The following MOG variants were observed in gnomAD, a reference collection of about 807,000 sequenced individuals.
The protein encoded by MOG is myelin-oligodendrocyte glycoprotein.
MOG carries 20 observed loss-of-function variants against 35.9 expected under a neutral mutation model. The observed-to-expected ratio is 0.56, with a 90% CI of 0.39 to 0.81. MOG has a LOEUF of 0.81. Ranked by LOEUF, MOG falls within the 30% of genes least tolerant of loss-of-function variation. The probability of loss-of-function intolerance (pLI) is 0.00; values close to 1 mark genes in which losing one functional copy is unlikely to be tolerated. For missense variants in MOG, 251 were observed against 301.0 expected (o/e 0.83, Z 1.23); for synonymous variants, 92 against 114.3 (o/e 0.80, Z 1.25).
chr6:29,671,246 G>A lies in MOG; in HGVS notation c.*61G>A. The A allele has an allele frequency of 6.2e-7, 1 of 1,612,298 alleles. No individual in the cohort carries two copies. ...TGGTTGCCCAGGGATTTGTCCTTGGGGACATCTCATCCATCAAGTTGCACA... is the reference window on the plus strand; with the variant it reads ...TGGTTGCCCAGGGATTTGTCCTTGGAGACATCTCATCCATCAAGTTGCACA... On this transcript the variant is annotated 3_prime_UTR_variant, in exon 8 of 8. Transcript: ENST00000376917.
Position 29,667,603 on chromosome 6 carries a change from G to A in MOG, c.551-40G>A, listed in dbSNP as rs778170484. ...GTGGGAGGGTCCCCACCGAGAGCCAGAACATGCAGGAACTAAAATGTTGCC... is the reference window on the plus strand; with the variant it reads ...GTGGGAGGGTCCCCACCGAGAGCCAAAACATGCAGGAACTAAAATGTTGCC... On this transcript the variant is annotated intron_variant, in intron 3 of 7. Coordinates refer to ENST00000376917, the MANE Select transcript of MOG (RefSeq NM_206809.4). The A allele has an allele frequency of 6.8e-6, 11 of 1,613,632 alleles. No individual in the cohort carries two copies. The Admixed American group carries it at 1.8e-4, about 27-fold the overall frequency.
chr6:29,662,139 A>T lies in MOG; in HGVS notation c.436+2473A>T. 1 of 984,634 alleles carries T rather than the reference A, an allele frequency of 1.0e-6. No individual in the cohort carries two copies. Among genetic ancestry groups the T allele is most frequent in the Non-Finnish European group, 1.2e-6 (1 of 829,418 alleles). The allele number at this position is 984,634 out of a possible 1,614,324, so 61.0% of individuals were successfully genotyped here. A position where few individuals can be genotyped will look rare whatever the true frequency, so the allele number is the denominator to read the frequency against. On this transcript the variant is annotated intron_variant, in intron 2 of 7. Transcript: ENST00000376917. This position sits in a 1 kb window ranked among gnomAD's most constrained non-coding sequence, Gnocchi z 4.2. ...TTATTTTTTTCTTGTCATTTTTGTG[A>T]TTTTATTACTAGTTGTCTCTAATCC...
chr6:29,668,234 C>T (rs1408666346), intron 5 of MOG, among the ~76,000 whole-genome samples: 7 of 152,170 alleles, frequency 4.6e-5, no homozygotes, highest in Non-Finnish European at 4.4e-5. Context: ...ATCGTTTACA[C>T]GTAAACCTGA....
chr6:29,666,207 G>A lies in MOG; in HGVS notation c.492G>A (p.Val164=). 1.2e-6 allele frequency: 2 copies of A among 1,612,908 alleles called. No homozygotes were observed. The highest frequency in any genetic ancestry group is 1.7e-6 in the Non-Finnish European group (2 of 1,179,932). ...TGGTTCTCCTCGCGGTGCTGCCTGT[G>A]CTCCTCCTGCAGATCACTGTTGGCC... ...GVLVLLAVLP[V]LLLQITVGLI... is the part of the protein sequence containing the mutation. The change falls in exon 3 of 8, where the codon GTG becomes GTA. Residue 164 remains valine (V), a synonymous_variant. Transcript: ENST00000376917.
Position 29,671,194 on chromosome 6 carries a change from A to T in MOG, c.*9A>T. On this transcript the variant is annotated 3_prime_UTR_variant, in exon 8 of 8. Transcript: ENST00000376917. Reference sequence around the variant, plus strand: ...TAGGAAATCCCTTCTGAGTGATGTCACATCTTGGCAGGGGTGGAGGAGAGC... The same window carrying T: ...TAGGAAATCCCTTCTGAGTGATGTCTCATCTTGGCAGGGGTGGAGGAGAGC... 6.2e-7 allele frequency: 1 copy of T among 1,612,902 alleles called. No individual in the cohort carries two copies. Among genetic ancestry groups the T allele is most frequent in the Non-Finnish European group, 8.5e-7 (1 of 1,179,994 alleles).
In MOG at chr6:29,661,609, T is replaced by C. The variant is rs530002245; in HGVS notation, c.436+1943T>C. The C allele has an allele frequency of 8.6e-6, 8 of 929,182 alleles. No individual in the cohort carries two copies. In the African/African-American group the frequency reaches 1.1e-4, roughly 12 times the overall value. 57.6% of individuals were successfully genotyped at this position (929,182 alleles called of 1,614,324 possible). A position where few individuals can be genotyped will look rare whatever the true frequency, so the allele number is the denominator to read the frequency against. ...GCCGAGGCGGGTGGATCACCTGAGG[T>C]CGGGAGTTCGAGACTAGCCTGACCA... On this transcript the variant is annotated intron_variant, in intron 2 of 7. Coordinates refer to ENST00000376917, the MANE Select transcript of MOG (RefSeq NM_206809.4).
At chr6:29,668,727 G>C (rs938254876) in intron 5 of MOG, among the ~76,000 whole-genome samples, 6 of 152,164 alleles carry the variant, frequency 3.9e-5, no homozygotes, top group African/African-American at 1.4e-4. Flanking sequence ...CTTTGTTTTG[G>C]AGGACTTGAC....
At chr6:29,657,586 C>T (rs1297664365) in intron 1 of MOG, among the ~76,000 whole-genome samples, 1 of 151,524 alleles carries the variant, frequency 6.6e-6, no homozygotes, top group Non-Finnish European at 1.5e-5. Flanking sequence ...CTGGTTCAAG[C>T]GATTCTCCTG....
rs1334167945 is a variant in MOG at position 29,662,118 on chromosome 6, T to G, written c.436+2452T>G. 2 of 985,054 alleles carry G rather than the reference T, an allele frequency of 2.0e-6. No individual in the cohort carries two copies. Among genetic ancestry groups the G allele is most frequent in the Non-Finnish European group, 2.4e-6 (2 of 829,688 alleles). The allele number at this position is 985,054 out of a possible 1,614,324, so 61.0% of individuals were successfully genotyped here. On this transcript the variant is annotated intron_variant, in intron 2 of 7. Coordinates refer to ENST00000376917, the MANE Select transcript of MOG (RefSeq NM_206809.4). This position sits in a 1 kb window ranked among gnomAD's most constrained non-coding sequence, Gnocchi z 4.2. ...TTTCTAATTTCTCTTGTTTACTTAT[T>G]TTTTTCTTGTCATTTTTGTGATTTT...
rs1276027065 is a variant in MOG at position 29,659,667 on chromosome 6, G to A, written c.436+1G>A. ...GCAGCAATGGAATTGAAAGTAGAAG[G>A]TGAGTAGTGCCATATAATATTAGGT... On this transcript the variant is annotated splice_donor_variant, in intron 2 of 7. Transcript: ENST00000376917. LOFTEE classifies it high-confidence loss of function. The A allele has an allele frequency of 6.2e-7, 1 of 1,611,100 alleles. No individual in the cohort carries two copies. Among genetic ancestry groups the A allele is most frequent in the Non-Finnish European group, 8.5e-7 (1 of 1,178,322 alleles).
intron 1 of MOG, among the ~76,000 whole-genome samples, chr6:29,658,385 G>A (rs555783431): frequency 1.3e-5 from 2 of 152,020 alleles, no homozygotes; most frequent in South Asian, 4.2e-4. Flanking sequence ...AAAAAACAAG[G>A]AACTTTTTCG....
At position 29,659,513 on chromosome 6, in the gene MOG, C is replaced by A; in HGVS notation, c.283C>A (p.Arg95=). The change falls in exon 2 of 8, where the codon CGG becomes AGG. Residue 95 remains arginine (R), a synonymous_variant. Coordinates refer to ENST00000376917, the MANE Select transcript of MOG (RefSeq NM_206809.4). Reference sequence around the variant, plus strand: ...AGATGGAGACCAGGCACCTGAATATCGGGGCCGGACAGAGCTGCTGAAAGA... The same window carrying A: ...AGATGGAGACCAGGCACCTGAATATAGGGGCCGGACAGAGCTGCTGAAAGA... ...DQDGDQAPEY[R]GRTELLKDAI... 6.2e-7 allele frequency: 1 copy of A among 1,612,974 alleles called. No homozygotes were observed.
chr6:29,670,364 A>G lies in MOG; in HGVS notation c.676A>G (p.Ile226Val). ...PVLGPLVALI[I>V]CYNWLHRRLA... Reference sequence around the variant, plus strand: ...TCTTGGACCCTTGGTTGCCTTGATCATCTGCTACAACTGGCTACATCGAAG... The same window carrying G: ...TCTTGGACCCTTGGTTGCCTTGATCGTCTGCTACAACTGGCTACATCGAAG... Residue 226 changes from isoleucine (I) to valine (V), a missense_variant, in exon 6 of 8, where the codon ATC (isoleucine) becomes GTC (valine). By Grantham distance (29) the Ile-to-Val change is conservative. Transcript: ENST00000376917. This position sits in a 1 kb window ranked among gnomAD's most constrained non-coding sequence, Gnocchi z 4.2. 1 of 1,614,190 alleles carries G rather than the reference A, an allele frequency of 6.2e-7. No homozygotes were observed. Among genetic ancestry groups the G allele is most frequent in the Non-Finnish European group, 8.5e-7 (1 of 1,180,038 alleles).
rs530507776 is a variant in MOG, at chr6:29,659,391, G to C, written c.161G>C (p.Arg54Pro). 21 of 1,612,956 alleles carry C rather than the reference G, an allele frequency of 1.3e-5. No individual in the cohort carries two copies. In the South Asian group the frequency reaches 1.6e-4, roughly 13 times the overall value. The change falls in exon 2 of 8, where the codon CGC becomes CCC. Residue 54 changes from arginine to proline, a missense_variant. Coordinates refer to ENST00000376917, the MANE Select transcript of MOG (RefSeq NM_206809.4). ...GGGGATGAAGTGGAATTGCCATGTC[G>C]CATATCTCCTGGGAAGAACGCTACA... is the stretch of plus-strand genomic sequence containing the variant. ...LVGDEVELPC[R>P]ISPGKNATGM...
At chr6:29,668,020 A>G (rs9468581) in intron 5 of MOG, 96 bp downstream of exon 5, 15,125 of 1,099,494 alleles carry the variant, frequency 0.014, 190 homozygotes, top group Middle Eastern at 0.039. Flanking sequence ...CTCCTGGTTG[A>G]GTCCCTTCCT....
Position 29,672,336 on chromosome 6 carries a change from A to ATAAATAAT in MOG, c.*1151_*1152insTAAATAAT. The ATAAATAAT allele has an allele frequency of 3.0e-6, 1 of 333,828 alleles. No homozygotes were observed. Among genetic ancestry groups the ATAAATAAT allele is most frequent in the Non-Finnish European group, 5.2e-6 (1 of 192,220 alleles). The allele number at this position is 333,828 out of a possible 1,614,324, so 20.7% of individuals were successfully genotyped here. The stretch of plus-strand genomic sequence containing the variant: ...AATAAATAAATAAATAAATAAATAA[A>ATAAATAAT]AAATAATAATACAAGTTTTCATAAG... On this transcript the variant is annotated 3_prime_UTR_variant, in exon 8 of 8. Coordinates refer to ENST00000376917, the MANE Select transcript of MOG (RefSeq NM_206809.4).
At chr6:29,668,768 T>C (rs1770766637) in intron 5 of MOG, among the ~76,000 whole-genome samples, 1 of 152,212 alleles carries the variant, frequency 6.6e-6, no homozygotes, top group Non-Finnish European at 1.5e-5. Flanking sequence ...TTTTGTACCA[T>C]GAATCTCTCT....
At position 29,667,628 on chromosome 6, in the gene MOG, CT is replaced by C. The variant is rs1770507717; in HGVS notation, c.551-10del. On this transcript the variant is annotated splice_polypyrimidine_tract_variant and intron_variant, in intron 3 of 7. Coordinates refer to ENST00000376917, the MANE Select transcript of MOG (RefSeq NM_206809.4). ...GAACATGCAGGAACTAAAATGTTGC[CT>C]TTTTCTATTTTAGGAAAACTTCGAG... is the stretch of plus-strand genomic sequence containing the variant. 3.7e-6 allele frequency: 6 copies of C among 1,613,868 alleles called. No individual in the cohort carries two copies. The highest frequency in any genetic ancestry group is 2.7e-5 in the African/African-American group (2 of 74,860).
At chr6:29,664,935 AT>A (rs570428952) in intron 2 of MOG, among the ~76,000 whole-genome samples, 30 of 152,156 alleles carry the variant, frequency 2.0e-4, no homozygotes, top group Non-Finnish European at 3.5e-4. Context: ...AATACACCAA[AT>A]AAAACATTTA....
Sources: gnomAD v4.1 joint callset for allele counts (sites outside exome capture counted in the v4.1 genomes callset) on GRCh38, gnomAD v4.1.1 for gene constraint, Gnocchi (gnomAD v3.1) non-coding constraint, MANE v1.5 for transcripts, NCBI Gene and HGNC (gene_info 2026-07-23, HGNC 2026-07-21) for gene names.